The following LRP1B variants were observed in gnomAD, a reference collection of about 807,000 sequenced individuals.
The protein encoded by LRP1B is LDL receptor related protein 1B, also known as low-density lipoprotein receptor-related protein 1B.
In LRP1B, 217 loss-of-function variants were observed where a neutral mutation model predicts 556.6. That is an observed-to-expected ratio of 0.39 (90% CI 0.35 to 0.44). The LOEUF (loss-of-function observed/expected upper bound fraction) is 0.44. LRP1B is among the 20% of genes least tolerant of loss of function. LRP1B has a pLI of 1.00. For missense variants in LRP1B, 5,053 were observed against 5,620.8 expected (o/e 0.90, Z 3.23); for synonymous variants, 2,047 against 1,865.8 (o/e 1.10, Z -2.50).
chr2:141,746,354 G>C (rs1693914838), intron 2 of LRP1B, among the ~76,000 whole-genome samples: 2 of 152,154 alleles, frequency 1.3e-5, no homozygotes, highest in South Asian at 4.1e-4. Flanking sequence ...TCTGGCTAGA[G>C]CTCATCTAAA....
chr2:142,077,904 C>A lies in LRP1B; in HGVS notation c.82+52744G>T, dbSNP rs556861608. ...GTTTGCCCAAAGCCCCTTTACAGAA[C>A]CGTATTACTCGAATATTTAAATAAC... On this transcript the variant is annotated intron_variant, in intron 1 of 90. Transcript: ENST00000389484. 1.8e-4 allele frequency among the ~76,000 whole-genome samples: 28 copies of A among 152,232 alleles called. 1 individual carries two copies. Among genetic ancestry groups the A allele is most frequent in the Middle Eastern group, 6.8e-3 (2 of 294 alleles).
intron 41 of LRP1B, among the ~76,000 whole-genome samples, chr2:140,632,506 T>C (rs535516235): frequency 9.2e-5 from 14 of 151,912 alleles, no homozygotes; most frequent in African/African-American, 3.4e-4. Flanking sequence ...TAAAGCAAAA[T>C]ATAATTGATA....
chr2:140,343,447 G>A (rs1366647558), intron 77 of LRP1B, among the ~76,000 whole-genome samples: 4 of 151,570 alleles, frequency 2.6e-5, no homozygotes, highest in African/African-American at 4.8e-5. Flanking sequence ...GAAGATGACC[G>A]CTAAGACATT....
intron 43 of LRP1B, among the ~76,000 whole-genome samples, chr2:140,575,250 A>C (rs1444682758): frequency 6.6e-6 from 1 of 152,174 alleles, no homozygotes; most frequent in East Asian, 1.9e-4. Flanking sequence ...ATGAAATGGG[A>C]AAAGTTATCT....
rs149094173 is a variant in LRP1B at position 141,772,161 on chromosome 2, G to A, written c.205+38118C>T. Among the ~76,000 whole-genome samples the A allele has an allele frequency of 3.5e-3, 527 of 152,174 alleles. 4 individuals are homozygous for A. The highest frequency in any genetic ancestry group is 0.011 in the African/African-American group (476 of 41,540). On this transcript the variant is annotated intron_variant, in intron 2 of 90. Transcript: ENST00000389484. ...CAATGAAGACAGCTGTCAGCAAACCGGGAAGAGGGCTTTCACTCAACACTG... is the reference window on the plus strand; with the variant it reads ...CAATGAAGACAGCTGTCAGCAAACCAGGAAGAGGGCTTTCACTCAACACTG...
intron 86 of LRP1B, among the ~76,000 whole-genome samples, chr2:140,261,069 A>ATAAT (rs59691574): frequency 6.6e-6 from 1 of 150,812 alleles, no homozygotes; most frequent in Admixed American, 6.6e-5. Context: ...ATATATATAT[A>ATAAT]ATATATATGA....
At chr2:140,320,346 T>TAGACACTGAGTGCCTTATAAAGAG (rs1378355296) in intron 82 of LRP1B, among the ~76,000 whole-genome samples, 1 of 152,172 alleles carries the variant, frequency 6.6e-6, no homozygotes, top group African/African-American at 2.4e-5. Flanking sequence ...ACAATAGTTT[T>TAGACACTGAGTGCCTTATAAAGAG]AGACACTGAG....
chr2:141,793,977 G>C (rs1695714116), intron 2 of LRP1B, among the ~76,000 whole-genome samples: 1 of 151,812 alleles, frequency 6.6e-6, no homozygotes, highest in African/African-American at 2.4e-5. Flanking sequence ...AATTGTGGGA[G>C]TTAAAAGTTA....
At chr2:141,976,654 C>T (rs1701897214) in intron 1 of LRP1B, among the ~76,000 whole-genome samples, 2 of 152,220 alleles carry the variant, frequency 1.3e-5, no homozygotes, top group East Asian at 1.9e-4. Context: ...TTTACCACTA[C>T]CTCCTGTACT....
chr2:140,475,073 T>C (rs1687915493), intron 60 of LRP1B, 65 bp downstream of exon 60: 2 of 673,018 alleles, frequency 3.0e-6, no homozygotes, highest in East Asian at 3.7e-5. Context: ...AAAATAAATA[T>C]ATATTTTTAA....
intron 1 of LRP1B, among the ~76,000 whole-genome samples, chr2:141,810,608 T>C (rs1696324796): frequency 6.6e-6 from 1 of 152,128 alleles, no homozygotes; most frequent in Non-Finnish European, 1.5e-5. Context: ...CTTGACTTTG[T>C]TATAGGTTCA....
chr2:141,013,055 T>C (rs1036682777), intron 14 of LRP1B, among the ~76,000 whole-genome samples: 5 of 151,964 alleles, frequency 3.3e-5, no homozygotes, highest in African/African-American at 1.2e-4. Context: ...AATATTGTTA[T>C]AGACGGTTTT....
intron 1 of LRP1B, among the ~76,000 whole-genome samples, chr2:141,918,816 G>A (rs1278746132): frequency 6.6e-6 from 1 of 152,104 alleles, no homozygotes; most frequent in East Asian, 1.9e-4. Context: ...GTGACCACAA[G>A]CATTGAATTA....
intron 1 of LRP1B, among the ~76,000 whole-genome samples, chr2:142,106,640 T>C (rs1270145963): frequency 6.6e-6 from 1 of 152,174 alleles, no homozygotes; most frequent in African/African-American, 2.4e-5. Context: ...CATTGCCCAC[T>C]GCAAACATCC....
At chr2:141,107,897 A>G (rs569033945) in intron 7 of LRP1B, among the ~76,000 whole-genome samples, 6 of 152,268 alleles carry the variant, frequency 3.9e-5, no homozygotes, top group African/African-American at 1.4e-4. Flanking sequence ...AACTAAGTGA[A>G]GTTTGCTATT....
intron 2 of LRP1B, among the ~76,000 whole-genome samples, chr2:141,676,850 T>C (rs189541594): frequency 7.2e-4 from 110 of 152,268 alleles, no homozygotes; most frequent in African/African-American, 2.5e-3. Flanking sequence ...TTGCAGTAGA[T>C]TCAGCAATTT....
chr2:140,473,537 A>G (rs1398931737), intron 60 of LRP1B, among the ~76,000 whole-genome samples: 1 of 151,944 alleles, frequency 6.6e-6, no homozygotes. Flanking sequence ...ATTAGTCACC[A>G]TATAAGTGAC....
intron 2 of LRP1B, among the ~76,000 whole-genome samples, chr2:141,752,550 G>A (rs1281615832): frequency 1.3e-5 from 2 of 151,922 alleles, no homozygotes; most frequent in African/African-American, 2.4e-5. Flanking sequence ...TGCCAAAACC[G>A]GTGGTTCTCA....
chr2:141,581,799 G>A (rs567028461), intron 2 of LRP1B, among the ~76,000 whole-genome samples: 2 of 152,036 alleles, frequency 1.3e-5, no homozygotes, highest in African/African-American at 4.8e-5. Flanking sequence ...AAACATTTGT[G>A]TCCTACAATA....
Sources: allele counts gnomAD v4.1 joint callset (sites outside exome capture counted in the v4.1 genomes callset), GRCh38; gene constraint gnomAD v4.1.1; transcripts MANE v1.5; gene names NCBI Gene and HGNC (gene_info 2026-07-23, HGNC 2026-07-21).